PDCD4: variants seen among roughly 807,000 people sequenced by gnomAD.
The protein encoded by PDCD4 is programmed cell death 4, also known as programmed cell death protein 4.
Under a neutral mutation model 54.0 loss-of-function variants are expected in PDCD4, and 56 were observed. The observed-to-expected ratio is 1.04, with a 90% CI of 0.84 to 1.30. The LOEUF (loss-of-function observed/expected upper bound fraction) is 1.30, where lower values mean the gene tolerates loss of function less well. PDCD4 is among the 50% of genes most tolerant of loss of function. PDCD4 has a pLI of 0.00. For synonymous variants in PDCD4, 186 were observed against 194.8 expected, an observed-to-expected ratio of 0.95 and a Z score of 0.37; for missense variants, 584 against 559.8, an observed-to-expected ratio of 1.04 and a Z score of -0.44.
rs1845654652 is a variant in PDCD4, at chr10:110,885,362, T to C, written c.551T>C (p.Val184Ala). The change falls in exon 5 of 12, where the codon GTT (valine) becomes GCT (alanine). Residue 184 changes from valine (V) to alanine (A), a missense_variant. Val to Ala is a moderately conservative substitution (Grantham distance 64, BLOSUM62 0). Coordinates refer to ENST00000280154, the MANE Select transcript of PDCD4 (RefSeq NM_014456.5). ...EYFEHGDTNEVAEMLRDLNLG... is the reference protein window; with the variant it reads ...EYFEHGDTNEAAEMLRDLNLG... ...TTTGAGCATGGAGATACTAATGAAGTTGCGGTAGGTTTAAAGTTGCAAGTA... is the reference window on the plus strand; with the variant it reads ...TTTGAGCATGGAGATACTAATGAAGCTGCGGTAGGTTTAAAGTTGCAAGTA... 1 of 1,464,666 alleles carries C rather than the reference T, an allele frequency of 6.8e-7. No homozygotes were observed. 90.7% of individuals were successfully genotyped at this position (1,464,666 alleles called of 1,614,324 possible).
intron 8 of PDCD4, among the ~76,000 whole-genome samples, chr10:110,893,678 C>T (rs547565484): frequency 6.6e-6 from 1 of 152,140 alleles, no homozygotes; most frequent in African/African-American, 2.4e-5. Flanking sequence ...TTTTGGCTCT[C>T]AGTGCACTAT....
At chr10:110,876,888 T>C (rs1010255171) in intron 2 of PDCD4, 1 of 380,428 alleles carries the variant, frequency 2.6e-6, no homozygotes, top group African/African-American at 2.1e-5. Flanking sequence ...CTTTGTCTTA[T>C]AATTTTATTA....
Position 110,890,622 on chromosome 10 carries a change from G to T in PDCD4, c.942G>T (p.Val314=), listed in dbSNP as rs372335039. The T allele has an allele frequency of 1.2e-6, 2 of 1,613,512 alleles. No individual in the cohort carries two copies. The highest frequency in any genetic ancestry group is 1.7e-6 in the Non-Finnish European group (2 of 1,179,578). The change falls in exon 8 of 12, where the codon GTG becomes GTT. Residue 314 remains valine (V), a synonymous_variant. Coordinates refer to ENST00000280154, the MANE Select transcript of PDCD4 (RefSeq NM_014456.5). ...MSKGGKRKDS[V]WGSGGGQQSV... ...AAGGTGGAAAGCGTAAAGATAGTGT[G>T]TGGGGCTCTGGAGGTGGGCAGCAAT...
chr10:110,890,932 T>C, intron 8 of PDCD4: 1 of 273,642 alleles, frequency 3.7e-6, no homozygotes, highest in Non-Finnish European at 6.7e-6. Flanking sequence ...GCCTGAAATC[T>C]TTTTCTTATA....
Position 110,898,168 on chromosome 10 carries a change from T to G in PDCD4, c.*80T>G. 2.4e-6 allele frequency: 2 copies of G among 833,030 alleles called. No individual in the cohort carries two copies. Among genetic ancestry groups the G allele is most frequent in the East Asian group, 3.0e-5 (1 of 33,538 alleles). 51.6% of individuals were successfully genotyped at this position (833,030 alleles called of 1,614,324 possible). A position where few individuals can be genotyped will look rare whatever the true frequency, so the allele number is the denominator to read the frequency against. On this transcript the variant is annotated 3_prime_UTR_variant, in exon 12 of 12. Transcript: ENST00000280154. ...GAGTTGTTAGCACAAGTTTTTTTTT[T>G]TTTTTTTTTTAAGCACTTGTTTTGG...
At chr10:110,873,162 CAGTA>C (rs1411956743) in intron 1 of PDCD4, among the ~76,000 whole-genome samples, 1 of 152,108 alleles carries the variant, frequency 6.6e-6, no homozygotes, top group African/African-American at 2.4e-5. Context: ...GTTAATATCT[CAGTA>C]AGTGTATTTG....
chr10:110,894,883 GATT>G (rs1038424992), intron 10 of PDCD4, among the ~76,000 whole-genome samples: 15 of 151,612 alleles, frequency 9.9e-5, no homozygotes, highest in African/African-American at 2.7e-4. Context: ...AAAATTTTAT[GATT>G]ATTGTTTTAA....
chr10:110,883,066 A>T lies in PDCD4; in HGVS notation c.410A>T (p.Asp137Val). Residue 137 changes from aspartate (D) to valine (V), a missense_variant, in exon 4 of 12, where the codon GAT (aspartate) becomes GTT (valine). Transcript: ENST00000280154. ...PGQVYDVEEVDVKDPNYDDDQ... is the reference protein window; with the variant it reads ...PGQVYDVEEVVVKDPNYDDDQ... ...CAGGTGTATGATGTGGAGGAGGTGG[A>T]TGTGAAAGATCCTAACTATGATGAT... The T allele has an allele frequency of 2.5e-6, 4 of 1,596,110 alleles. No individual in the cohort carries two copies. The highest frequency in any genetic ancestry group is 3.4e-6 in the Non-Finnish European group (4 of 1,172,860).
intron 1 of PDCD4, among the ~76,000 whole-genome samples, chr10:110,874,053 A>G (rs1392918323): frequency 6.6e-6 from 1 of 152,178 alleles, no homozygotes; most frequent in Non-Finnish European, 1.5e-5. Flanking sequence ...TTTGGATTGA[A>G]CTTGTGCAAA....
At chr10:110,877,670 G>A (rs1029872668) in intron 2 of PDCD4, among the ~76,000 whole-genome samples, 35 of 152,166 alleles carry the variant, frequency 2.3e-4, no homozygotes, top group Admixed American at 1.6e-3. Flanking sequence ...CTTGGTGCTT[G>A]TGTCCAGCAC....
Position 110,887,837 on chromosome 10 carries a change from T to A in PDCD4, c.728T>A (p.Leu243Ter). Residue 243 changes from leucine to a stop codon, truncating the protein, a stop_gained, in exon 6 of 12, where the codon TTG becomes TAG. Transcript: ENST00000280154. LOFTEE classifies it high-confidence loss of function. ...TTDVEKSFDK[L>*]LKDLPELALD... Reference sequence around the variant, plus strand: ...GATGTGGAAAAATCATTTGATAAATTGTTGAAAGATCTACCTGAATTAGCA... The same window carrying A: ...GATGTGGAAAAATCATTTGATAAATAGTTGAAAGATCTACCTGAATTAGCA... 1.9e-6 allele frequency: 3 copies of A among 1,613,698 alleles called. No individual in the cohort carries two copies. The highest frequency in any genetic ancestry group is 2.5e-6 in the Non-Finnish European group (3 of 1,179,710).
chr10:110,880,021 C>T (rs1159632340), intron 2 of PDCD4, among the ~76,000 whole-genome samples: 9 of 152,286 alleles, frequency 5.9e-5, no homozygotes, highest in Non-Finnish European at 1.2e-4. Context: ...TGATTCAGCT[C>T]TGATTTGCGT....
intron 5 of PDCD4, among the ~76,000 whole-genome samples, chr10:110,887,220 A>G (rs1845681539): frequency 6.6e-6 from 1 of 152,108 alleles, no homozygotes; most frequent in African/African-American, 2.4e-5. Context: ...AGTTGTCTAC[A>G]GTATTCAGTA....
intron 11 of PDCD4, 121 bp downstream of exon 11, chr10:110,896,208 C>G (rs1158811763): frequency 2.5e-5 from 18 of 725,114 alleles, no homozygotes; most frequent in Non-Finnish European, 4.0e-5. Context: ...CTTGTGAGTT[C>G]ATGGAGAAAG....
At chr10:110,872,291 C>G (rs1257515037) in intron 1 of PDCD4, 1 of 152,528 alleles carries the variant, frequency 6.6e-6, no homozygotes, top group African/African-American at 2.4e-5. Flanking sequence ...GGCCCGCCCC[C>G]TCCCGGAGCC....
At position 110,881,395 on chromosome 10, in the gene PDCD4, G is replaced by A. The variant is rs184353935; in HGVS notation, c.206G>A (p.Arg69Gln). ...AKRRLRKNSSRDSGRGDSVSD... is the reference protein window; with the variant it reads ...AKRRLRKNSSQDSGRGDSVSD... ...AGGCGACTAAGGAAAAACTCATCCCGGGACTCTGGCAGAGGCGATTCGGTC... is the reference window on the plus strand; with the variant it reads ...AGGCGACTAAGGAAAAACTCATCCCAGGACTCTGGCAGAGGCGATTCGGTC... The change falls in exon 3 of 12, where the codon CGG (arginine) becomes CAG (glutamine). Residue 69 changes from arginine (R) to glutamine (Q), a missense_variant. Physicochemically the swap from Arg to Gln is conservative, Grantham distance 43. Transcript: ENST00000280154. 43 of 1,614,142 alleles carry A rather than the reference G, an allele frequency of 2.7e-5. No homozygotes were observed. Among genetic ancestry groups the A allele is most frequent in the East Asian group, 4.5e-5 (2 of 44,882 alleles).
At chr10:110,881,893 C>G (rs1311478830) in intron 3 of PDCD4, among the ~76,000 whole-genome samples, 1 of 152,106 alleles carries the variant, frequency 6.6e-6, no homozygotes, top group African/African-American at 2.4e-5. Flanking sequence ...ATGTCCATTA[C>G]TACTACTAAT....
intron 5 of PDCD4, among the ~76,000 whole-genome samples, chr10:110,887,152 TATA>T: frequency 6.6e-6 from 1 of 152,202 alleles, no homozygotes; most frequent in East Asian, 1.9e-4. Context: ...TTTGGTCTCA[TATA>T]ATACTCTTTT....
intron 8 of PDCD4, among the ~76,000 whole-genome samples, chr10:110,891,535 A>G (rs536458899): frequency 1.3e-5 from 2 of 150,964 alleles, no homozygotes; most frequent in Non-Finnish European, 2.9e-5. Flanking sequence ...AAAACTCCTT[A>G]TCTGCAGATC....
Sources: allele counts gnomAD v4.1 joint callset (sites outside exome capture counted in the v4.1 genomes callset), GRCh38; gene constraint gnomAD v4.1.1; transcripts MANE v1.5; gene names NCBI Gene and HGNC (gene_info 2026-07-23, HGNC 2026-07-21).